Variants in GALNT13 observed in about 807,000 individuals in gnomAD.
The protein encoded by GALNT13 is polypeptide N-acetylgalactosaminyltransferase 13, also known as UDP-GalNAc:polypeptide N-acetylgalactosaminyltransferase 13.
GALNT13 carries 28 observed loss-of-function variants against 64.2 expected under a neutral mutation model. That is an observed-to-expected ratio of 0.44 (90% CI 0.32 to 0.60). The LOEUF is 0.60. Ranked by LOEUF, GALNT13 falls within the 20% of genes least tolerant of loss-of-function variation. GALNT13 has a pLI of 0.05. For missense variants in GALNT13, 577 were observed against 669.8 expected (o/e 0.86, Z 1.53); for synonymous variants, 214 against 224.6 (o/e 0.95, Z 0.42).
the GALNT13 span, among the ~76,000 whole-genome samples, chr2:153,737,165 A>G: frequency 6.6e-5 from 10 of 152,206 alleles, no homozygotes; most frequent in African/African-American, 2.4e-4. Flanking sequence ...GGGAGGAAGA[A>G]AGGAGCACAG....
the GALNT13 span, among the ~76,000 whole-genome samples, chr2:153,119,503 A>T: frequency 6.6e-6 from 1 of 152,164 alleles, no homozygotes; most frequent in South Asian, 2.1e-4. Flanking sequence ...CATGACCGCA[A>T]TATATAGTGT....
the GALNT13 span, among the ~76,000 whole-genome samples, chr2:153,422,617 A>C: frequency 6.0e-5 from 9 of 151,214 alleles, no homozygotes; most frequent in African/African-American, 2.2e-4. Context: ...AAATAAACTA[A>C]TACAATAGAC....
chr2:153,905,783 C>G (rs1395939586), intron 2 of GALNT13, among the ~76,000 whole-genome samples: 2 of 152,004 alleles, frequency 1.3e-5, no homozygotes, highest in African/African-American at 4.8e-5. Flanking sequence ...TATGGCTTCT[C>G]TTTGGCATAT....
At chr2:153,244,947 G>A in the GALNT13 span, among the ~76,000 whole-genome samples, 1 of 152,202 alleles carries the variant, frequency 6.6e-6, no homozygotes, top group African/African-American at 2.4e-5. Flanking sequence ...TGTGGGGATG[G>A]GCATCCACCA....
At chr2:153,953,791 G>A (rs1692367880) in intron 3 of GALNT13, among the ~76,000 whole-genome samples, 1 of 151,988 alleles carries the variant, frequency 6.6e-6, no homozygotes, top group Admixed American at 6.6e-5. Flanking sequence ...ACCTTCTCTG[G>A]CATTTTAAGT....
the GALNT13 span, among the ~76,000 whole-genome samples, chr2:153,194,997 C>A: frequency 1.3e-5 from 2 of 152,064 alleles, no homozygotes; most frequent in African/African-American, 4.8e-5. Context: ...ATTTGGAGCC[C>A]CGGGTGGTAT....
chr2:154,114,159 T>C (rs1435496178), intron 3 of GALNT13, among the ~76,000 whole-genome samples: 1 of 152,190 alleles, frequency 6.6e-6, no homozygotes, highest in African/African-American at 2.4e-5. Context: ...GATGCAATAT[T>C]GTTTTTTATT....
the GALNT13 span, among the ~76,000 whole-genome samples, chr2:153,611,654 G>C: frequency 6.9e-6 from 1 of 145,114 alleles, no homozygotes; most frequent in Non-Finnish European, 1.5e-5. Flanking sequence ...GAGCCTCCAT[G>C]CCTGACCAAG....
At chr2:153,157,628 A>G in the GALNT13 span, among the ~76,000 whole-genome samples, 1 of 152,162 alleles carries the variant, frequency 6.6e-6, no homozygotes, top group Non-Finnish European at 1.5e-5. Context: ...ATTGTGATTA[A>G]CCTGATGAGT....
intron 8 of GALNT13, among the ~76,000 whole-genome samples, chr2:154,291,596 C>T (rs995877980): frequency 9.2e-5 from 14 of 152,266 alleles, no homozygotes; most frequent in East Asian, 5.8e-4. Flanking sequence ...ACGCTGGGTG[C>T]GGGGCCCACC....
intron 3 of GALNT13, among the ~76,000 whole-genome samples, chr2:154,129,485 G>A (rs898398176): frequency 4.6e-5 from 7 of 152,054 alleles, no homozygotes; most frequent in Non-Finnish European, 7.4e-5. Context: ...ATGTAACAGC[G>A]AAATGTCTTG....
intron 9 of GALNT13, among the ~76,000 whole-genome samples, chr2:154,385,762 T>C (rs753312936): frequency 6.6e-6 from 1 of 152,044 alleles, no homozygotes; most frequent in Middle Eastern, 3.4e-3. Flanking sequence ...GATAGATGAG[T>C]GTCCTCTTTC....
rs554967773 is a variant in GALNT13 at position 154,287,444 on chromosome 2, C to T, written c.976-13965C>T. Reference sequence around the variant, plus strand: ...CCAGTGAGGGCCCACCCTGCCTTCACCTCTGAGGGCCAACTAGGCCACAGC... The same window carrying T: ...CCAGTGAGGGCCCACCCTGCCTTCATCTCTGAGGGCCAACTAGGCCACAGC... On this transcript the variant is annotated intron_variant, in intron 8 of 12. Transcript: ENST00000392825. 58 of 409,998 alleles carry T rather than the reference C, an allele frequency of 1.4e-4. No homozygotes were observed. The East Asian group carries it at 3.0e-3, about 21-fold the overall frequency. The allele number at this position is 409,998 out of a possible 1,614,324, so 25.4% of individuals were successfully genotyped here.
intron 9 of GALNT13, among the ~76,000 whole-genome samples, chr2:154,361,720 A>G (rs894601479): frequency 1.3e-5 from 2 of 152,098 alleles, no homozygotes; most frequent in African/African-American, 4.8e-5. Flanking sequence ...TAAAAGAATC[A>G]TATCCACTTA....
intron 4 of GALNT13, among the ~76,000 whole-genome samples, chr2:154,157,804 A>G (rs1321794509): frequency 3.3e-5 from 5 of 152,090 alleles, no homozygotes; most frequent in East Asian, 3.9e-4. Flanking sequence ...TTAACAGTCA[A>G]TTTTCAGTTC....
intron 3 of GALNT13, among the ~76,000 whole-genome samples, chr2:154,097,078 C>T (rs1702111627): frequency 1.3e-5 from 2 of 152,054 alleles, no homozygotes; most frequent in South Asian, 4.1e-4. Flanking sequence ...AATTTACTGC[C>T]AATTTTAAGA....
At chr2:153,212,483 A>G in the GALNT13 span, among the ~76,000 whole-genome samples, 3 of 152,212 alleles carry the variant, frequency 2.0e-5, no homozygotes, top group Non-Finnish European at 4.4e-5. Flanking sequence ...ATTTAGAAAG[A>G]TATTCTGAGA....
At chr2:154,322,350 G>A (rs1694670159) in intron 9 of GALNT13, among the ~76,000 whole-genome samples, 1 of 151,806 alleles carries the variant, frequency 6.6e-6, no homozygotes, top group African/African-American at 2.4e-5. Context: ...ATGCTGGTAT[G>A]AGTGGGATGA....
intron 2 of GALNT13, among the ~76,000 whole-genome samples, chr2:153,924,741 A>G (rs963080959): frequency 1.3e-5 from 2 of 152,074 alleles, no homozygotes; most frequent in Non-Finnish European, 2.9e-5. Context: ...TTACTTTTTA[A>G]TAATAGCCAT....
Sources: gnomAD v4.1 joint callset for allele counts (sites outside exome capture counted in the v4.1 genomes callset) on GRCh38, gnomAD v4.1.1 for gene constraint, MANE v1.5 for transcripts, NCBI Gene and HGNC (gene_info 2026-07-23, HGNC 2026-07-21) for gene names.